BMP7: variants seen among roughly 807,000 people sequenced by gnomAD.
BMP7 encodes the protein bone morphogenetic protein 7.
BMP7 carries 12 observed loss-of-function variants against 41.2 expected under a neutral mutation model. That is an observed-to-expected ratio of 0.29 (90% CI 0.19 to 0.47). The LOEUF is 0.47. Among genes scored for constraint, BMP7 ranks in the 20% least tolerant of loss-of-function variants. The pLI is 0.99. For missense variants in BMP7, 467 were observed against 606.0 expected, an observed-to-expected ratio of 0.77 and a Z score of 2.41; for synonymous variants, 248 against 250.0, an observed-to-expected ratio of 0.99 and a Z score of 0.07.
At chr20:57,209,001 C>T (rs902696512) in intron 2 of BMP7, among the ~76,000 whole-genome samples, 19 of 150,202 alleles carry the variant, frequency 1.3e-4, no homozygotes, top group African/African-American at 2.7e-4. Flanking sequence ...CTGGGCAAGA[C>T]GGCAAAACCC....
intron 2 of BMP7, among the ~76,000 whole-genome samples, chr20:57,206,739 C>T (rs1468847951): frequency 6.6e-6 from 1 of 152,184 alleles, no homozygotes; most frequent in African/African-American, 2.4e-5. Context: ...ACCAGCCTGG[C>T]AGCAAACTCC....
In BMP7 at chr20:57,214,298, C is replaced by G. The variant is rs778013673; in HGVS notation, c.612-11675G>C. On this transcript the variant is annotated intron_variant, in intron 2 of 6. Transcript: ENST00000395863. The surrounding 1 kb of genome is among the most constrained non-coding windows in gnomAD (Gnocchi z 4.0). ...GGTTCCCCTTCCACTCTTCTCACCCCGCACTCCCCCTGCCCCAGCAGCTTG... is the reference window on the plus strand; with the variant it reads ...GGTTCCCCTTCCACTCTTCTCACCCGGCACTCCCCCTGCCCCAGCAGCTTG... Among the ~76,000 whole-genome samples the G allele has an allele frequency of 1.3e-5, 2 of 152,158 alleles. No individual in the cohort carries two copies. The highest frequency in any genetic ancestry group is 2.9e-5 in the Non-Finnish European group (2 of 68,040).
chr20:57,171,399 G>A lies in BMP7; in HGVS notation c.1147-291C>T, dbSNP rs1002421560. The stretch of plus-strand genomic sequence containing the variant: ...CCAGGTAATTCTCTGTTGGGGAACT[G>A]CCCTGTGCACTGTAGATTGCTGAAT... On this transcript the variant is annotated intron_variant, in intron 6 of 6. Transcript: ENST00000395863. The surrounding 1 kb of genome is among the most constrained non-coding windows in gnomAD (Gnocchi z 4.5). 1.3e-5 allele frequency among the ~76,000 whole-genome samples: 2 copies of A among 152,208 alleles called. No individual in the cohort carries two copies. The highest frequency in any genetic ancestry group is 2.9e-5 in the Non-Finnish European group (2 of 68,040).
chr20:57,248,339 C>T (rs2066098234), intron 1 of BMP7, among the ~76,000 whole-genome samples: 1 of 152,230 alleles, frequency 6.6e-6, no homozygotes. Flanking sequence ...CCCTGCCTCC[C>T]ACTGTGCTGG....
At position 57,233,508 on chromosome 20, in the gene BMP7, G is replaced by A. The variant is rs141657846; in HGVS notation, c.419-5087C>T. On this transcript the variant is annotated intron_variant, in intron 1 of 6. Transcript: ENST00000395863. ...CTGGGCTGGAAGGTGTCAATAATGG[G>A]TTAGAGGCCAGGTAGGAACAAGAAG... Among the ~76,000 whole-genome samples, 446 of 152,332 alleles carry A rather than the reference G, an allele frequency of 2.9e-3. 3 individuals carry two copies. Among genetic ancestry groups the A allele is most frequent in the African/African-American group, 0.01 (418 of 41,566 alleles).
intron 4 of BMP7, among the ~76,000 whole-genome samples, chr20:57,179,105 C>T (rs373573830): frequency 6.6e-6 from 1 of 152,368 alleles, no homozygotes; most frequent in South Asian, 2.1e-4. Flanking sequence ...GGCCCTGCCA[C>T]CAGGGACTCC....
At chr20:57,179,683 C>T (rs895947620) in intron 4 of BMP7, among the ~76,000 whole-genome samples, 6 of 152,240 alleles carry the variant, frequency 3.9e-5, no homozygotes, top group African/African-American at 1.4e-4. Context: ...ACGAGCGATT[C>T]AAAGGGGCAG....
rs761286319 is a variant in BMP7 at position 57,213,697 on chromosome 20, T to A, written c.612-11074A>T. Among the ~76,000 whole-genome samples, 2 of 152,188 alleles carry A rather than the reference T, an allele frequency of 1.3e-5. No individual in the cohort carries two copies. The highest frequency in any genetic ancestry group is 2.9e-5 in the Non-Finnish European group (2 of 68,032). ...GGTGAGAGGCCCGGAATCCTCTTTGTGATGAAATCCCCAGAGTGGTCCTCG... is the reference window on the plus strand; with the variant it reads ...GGTGAGAGGCCCGGAATCCTCTTTGAGATGAAATCCCCAGAGTGGTCCTCG... On this transcript the variant is annotated intron_variant, in intron 2 of 6. Transcript: ENST00000395863. The surrounding 1 kb of genome is among the most constrained non-coding windows in gnomAD (Gnocchi z 4.4).
intron 2 of BMP7, among the ~76,000 whole-genome samples, chr20:57,219,285 A>AGCTGGTGTTTGTTTGGT (rs1167719312): frequency 7.9e-6 from 1 of 125,836 alleles, no homozygotes; most frequent in African/African-American, 5.9e-5. Context: ...GTTTGGTGGT[A>AGCTGGTGTTTGTTTGGT]GGTAGCAGTG....
chr20:57,226,999 C>T (rs6099504), intron 2 of BMP7, among the ~76,000 whole-genome samples: 3 of 151,770 alleles, frequency 2.0e-5, no homozygotes, highest in Non-Finnish European at 4.4e-5. Flanking sequence ...GCTAATTTTT[C>T]TATTTTTAGT....
intron 2 of BMP7, among the ~76,000 whole-genome samples, chr20:57,212,799 G>A (rs746228257): frequency 6.6e-6 from 1 of 152,158 alleles, no homozygotes; most frequent in South Asian, 2.1e-4. Flanking sequence ...GAAGGAAGCC[G>A]GCCCCACCCT....
chr20:57,181,439 T>G (rs949199020), intron 4 of BMP7, among the ~76,000 whole-genome samples: 6 of 147,526 alleles, frequency 4.1e-5, no homozygotes, highest in African/African-American at 1.5e-4. Context: ...AAGGCTACAG[T>G]AAGCCATGCT....
chr20:57,225,801 G>C, intron 2 of BMP7: 1 of 450,652 alleles, frequency 2.2e-6, no homozygotes, highest in South Asian at 1.6e-5. Flanking sequence ...AAGCAGCTCC[G>C]TCTTGCCCTC....
intron 1 of BMP7, among the ~76,000 whole-genome samples, chr20:57,258,257 G>C (rs1338073859): frequency 6.6e-6 from 1 of 152,196 alleles, no homozygotes; most frequent in Non-Finnish European, 1.5e-5. Context: ...CCACCCCTCG[G>C]TATCTGGCCC....
chr20:57,183,683 T>A (rs769537225), intron 4 of BMP7, 39 bp downstream of exon 4: 44 of 1,612,500 alleles, frequency 2.7e-5, no homozygotes, highest in Non-Finnish European at 3.6e-5. Flanking sequence ...CCTGCTGGGT[T>A]CCTGTGGTGG....
At chr20:57,183,060 C>A (rs71329731) in intron 4 of BMP7, among the ~76,000 whole-genome samples, 2 of 152,094 alleles carry the variant, frequency 1.3e-5, no homozygotes, top group African/African-American at 2.4e-5. Context: ...CATGGTGAAA[C>A]CCCGTCTCTA....
intron 1 of BMP7, 59 bp downstream of exon 1, chr20:57,265,646 C>T: frequency 6.4e-7 from 1 of 1,554,716 alleles, no homozygotes; most frequent in Admixed American, 1.9e-5. Context: ...CGGCTCCCTC[C>T]CTCCCAGTCT....
intron 1 of BMP7, among the ~76,000 whole-genome samples, chr20:57,249,180 T>C (rs75242642): frequency 0.027 from 4,100 of 152,182 alleles, 79 homozygotes; most frequent in Non-Finnish European, 0.041. Context: ...GTATCTCTTA[T>C]AGTATCTGCT....
chr20:57,174,811 C>T lies in BMP7; in HGVS notation c.1035+120G>A. 8.9e-7 allele frequency: 1 copy of T among 1,124,298 alleles called. No individual in the cohort carries two copies. The highest frequency in any genetic ancestry group is 1.5e-5 in the African/African-American group (1 of 64,890). The allele number at this position is 1,124,298 out of a possible 1,614,324, so 69.6% of individuals were successfully genotyped here. ...CCCAAGTCCCCTTCCCTAGCGAGGCCACTTGATACTGGAGTCTTAACTGGC... is the reference window on the plus strand; with the variant it reads ...CCCAAGTCCCCTTCCCTAGCGAGGCTACTTGATACTGGAGTCTTAACTGGC... On this transcript the variant is annotated intron_variant, in intron 5 of 6. Coordinates refer to ENST00000395863, the MANE Select transcript of BMP7 (RefSeq NM_001719.3). This position sits in a 1 kb window ranked among gnomAD's most constrained non-coding sequence, Gnocchi z 4.3.
Sources: allele counts gnomAD v4.1 joint callset (sites outside exome capture counted in the v4.1 genomes callset), GRCh38; gene constraint gnomAD v4.1.1; non-coding constraint Gnocchi (gnomAD v3.1); transcripts MANE v1.5; gene names NCBI Gene and HGNC (gene_info 2026-07-23, HGNC 2026-07-21).